Variants in CLDN16 observed in about 807,000 individuals in gnomAD.
CLDN16 encodes the protein claudin-16.
In CLDN16, 13 loss-of-function variants were observed where a neutral mutation model predicts 24.6. The observed-to-expected ratio is 0.53, with a 90% confidence interval of 0.34 to 0.84. CLDN16 has a LOEUF of 0.84. Ranked by LOEUF, CLDN16 falls within the 40% of genes least tolerant of loss-of-function variation. CLDN16 has a pLI of 0.01. For synonymous variants in CLDN16, 116 were observed against 106.7 expected, an observed-to-expected ratio of 1.09 and a Z score of -0.54; for missense variants, 298 against 292.7, an observed-to-expected ratio of 1.02 and a Z score of -0.13.
chr3:190,387,646 A>G (rs1009947868), upstream of CLDN16, among the ~76,000 whole-genome samples: 1 of 152,144 alleles, frequency 6.6e-6, no homozygotes, highest in African/African-American at 2.4e-5. Flanking sequence ...TAAAATGCAC[A>G]CTTGTTCCCA....
At chr3:190,387,402 C>T (rs1306862030), upstream of CLDN16, among the ~76,000 whole-genome samples, 1 of 151,922 alleles carries the variant, frequency 6.6e-6, no homozygotes, top group Non-Finnish European at 1.5e-5. Context: ...AACATTGGTC[C>T]ATGAGGGAAA....
At chr3:190,328,624 C>T (rs1374625978) in intron 1 of CLDN16, among the ~76,000 whole-genome samples, 1 of 150,410 alleles carries the variant, frequency 6.6e-6, no homozygotes, top group Non-Finnish European at 1.5e-5. Flanking sequence ...TCCTGCTGAA[C>T]AAAATATTTG....
At chr3:190,366,182 C>G (rs1577411569) in intron 1 of CLDN16, among the ~76,000 whole-genome samples, 1 of 151,930 alleles carries the variant, frequency 6.6e-6, no homozygotes, top group Non-Finnish European at 1.5e-5. Context: ...TGACATTTAC[C>G]TTAAATTGGT....
upstream of CLDN16, chr3:190,322,194 C>G (rs900346843): frequency 6.2e-7 from 1 of 1,613,680 alleles, no homozygotes; most frequent in Non-Finnish European, 8.5e-7. Context: ...AGCTGCAGCC[C>G]CGCGTTGGCC....
intron 1 of CLDN16, among the ~76,000 whole-genome samples, chr3:190,397,906 G>T (rs954426395): frequency 2.6e-5 from 4 of 152,184 alleles, no homozygotes; most frequent in African/African-American, 4.8e-5. Context: ...ACTCTTATTT[G>T]TGTAAAATAA....
intron 1 of CLDN16, among the ~76,000 whole-genome samples, chr3:190,356,198 A>G (rs1451181674): frequency 6.6e-6 from 1 of 151,828 alleles, no homozygotes; most frequent in Non-Finnish European, 1.5e-5. Context: ...ATATATTAGT[A>G]ATGACATCTT....
chr3:190,382,326 T>C (rs1017540694), intron 3 of CLDN16, among the ~76,000 whole-genome samples: 1 of 152,142 alleles, frequency 6.6e-6, no homozygotes, highest in Non-Finnish European at 1.5e-5. Flanking sequence ...TAACAACATA[T>C]GCCTTGCTAC....
intron 1 of CLDN16, among the ~76,000 whole-genome samples, chr3:190,358,272 C>T (rs1039534114): frequency 3.3e-5 from 5 of 151,792 alleles, no homozygotes; most frequent in Non-Finnish European, 7.4e-5. Context: ...ATAATAAGAG[C>T]CGCTGAGAGT....
At chr3:190,306,469 C>T in the CLDN16 span, 1 of 152,290 alleles carries the variant, frequency 6.6e-6, no homozygotes. Context: ...CTTAGTATAG[C>T]ACTTTTTAAA....
upstream of CLDN16, chr3:190,388,032 C>A: frequency 1.6e-6 from 2 of 1,268,420 alleles, no homozygotes; most frequent in Non-Finnish European, 2.2e-6. Flanking sequence ...GGTCAGAAAA[C>A]GTTACAGAAC....
At chr3:190,290,446 T>C in the CLDN16 span, among the ~76,000 whole-genome samples, 1 of 152,198 alleles carries the variant, frequency 6.6e-6, no homozygotes, top group African/African-American at 2.4e-5. Context: ...TTAGTCTAAA[T>C]TGTATCATTT....
upstream of CLDN16, among the ~76,000 whole-genome samples, chr3:190,319,045 T>C (rs1304433333): frequency 6.6e-6 from 1 of 152,110 alleles, no homozygotes; most frequent in Non-Finnish European, 1.5e-5. Context: ...CCCTACAACA[T>C]TCCTTCAAAA....
At chr3:190,326,408 T>A (rs539400266) in intron 1 of CLDN16, among the ~76,000 whole-genome samples, 4 of 152,328 alleles carry the variant, frequency 2.6e-5, no homozygotes, top group East Asian at 1.9e-4. Context: ...GACACAATGT[T>A]GTGTTCAGAA....
chr3:190,297,562 A>T, the CLDN16 span, among the ~76,000 whole-genome samples: 1 of 139,330 alleles, frequency 7.2e-6, no homozygotes, highest in South Asian at 2.1e-4. Context: ...TAGATATATA[A>T]TATATAGTAT....
chr3:190,361,713 G>T (rs543743338), intron 1 of CLDN16, among the ~76,000 whole-genome samples: 3 of 150,194 alleles, frequency 2.0e-5, no homozygotes, highest in South Asian at 4.2e-4. Context: ...AGCAGCCCAA[G>T]AAATCATTTT....
chr3:190,310,551 A>AAATAT, the CLDN16 span, among the ~76,000 whole-genome samples: 1 of 152,226 alleles, frequency 6.6e-6, no homozygotes, highest in Non-Finnish European at 1.5e-5. Context: ...AATCTCTTTT[A>AAATAT]AATATGCTGT....
At chr3:190,343,401 A>G (rs1199241470) in intron 1 of CLDN16, among the ~76,000 whole-genome samples, 1 of 152,168 alleles carries the variant, frequency 6.6e-6, no homozygotes, top group Non-Finnish European at 1.5e-5. Context: ...GAAGTTCCTA[A>G]AGAAATTAAA....
At chr3:190,333,034 A>G (rs796242981) in intron 1 of CLDN16, among the ~76,000 whole-genome samples, 2 of 152,260 alleles carry the variant, frequency 1.3e-5, no homozygotes, top group South Asian at 4.1e-4. Flanking sequence ...AAAAAGGAGA[A>G]TATTACTGCC....
At chr3:190,298,376 C>CACACACA in the CLDN16 span, among the ~76,000 whole-genome samples, 1 of 150,128 alleles carries the variant, frequency 6.7e-6, no homozygotes, top group South Asian at 2.1e-4. Context: ...CACACACACA[C>CACACACA]CTTAACAATG....
Sources: gnomAD v4.1 joint callset for allele counts (sites outside exome capture counted in the v4.1 genomes callset) on GRCh38, gnomAD v4.1.1 for gene constraint, MANE v1.5 for transcripts, NCBI Gene and HGNC (gene_info 2026-07-23, HGNC 2026-07-21) for gene names.